KALRN: variants seen among roughly 807,000 people sequenced by gnomAD.
KALRN encodes the protein kalirin.
A neutral mutation model predicts 353.7 loss-of-function variants in KALRN; 70 were observed. The observed-to-expected ratio is 0.20, with a 90% confidence interval of 0.16 to 0.24. The LOEUF (loss-of-function observed/expected upper bound fraction) is 0.24, where lower values mean the gene tolerates loss of function less well. Among genes scored for constraint, KALRN ranks in the 10% least tolerant of loss-of-function variants. KALRN has a pLI of 1.00. For synonymous variants in KALRN, 1,391 were observed against 1,434.8 expected (o/e 0.97, Z 0.69); for missense variants, 2,791 against 3,756.7 (o/e 0.74, Z 6.72).
At chr3:124,094,916 G>T in intron 1 of KALRN, 1 of 1,612,196 alleles carries the variant, frequency 6.2e-7, no homozygotes, top group East Asian at 2.2e-5. Context: ...TATCCTGAGT[G>T]TGTGTATGCT....
At position 124,264,427 on chromosome 3, in the gene KALRN, T is replaced by C. The variant is rs189778373; in HGVS notation, c.264-71T>C. ...GTCAAGGGGAGTGCAGGTTTCCGGG[T>C]GCTTTTTGACTGTGTACTCCAAAGT... On this transcript the variant is annotated intron_variant, in intron 3 of 59. Transcript: ENST00000682506. 5.2e-6 allele frequency: 7 copies of C among 1,344,750 alleles called. No homozygotes were observed. The African/African-American group carries it at 7.3e-5, about 14-fold the overall frequency. The allele number at this position is 1,344,750 out of a possible 1,614,324, so 83.3% of individuals were successfully genotyped here.
At chr3:124,686,843 CTT>C (rs751907160) in intron 51 of KALRN, among the ~76,000 whole-genome samples, 7 of 84,962 alleles carry the variant, frequency 8.2e-5, no homozygotes, top group Non-Finnish European at 1.5e-4. Flanking sequence ...GAGACAGGGT[CTT>C]TCTCTGTCAT....
intron 37 of KALRN, among the ~76,000 whole-genome samples, chr3:124,647,351 C>T (rs2082888610): frequency 6.6e-6 from 1 of 152,164 alleles, no homozygotes; most frequent in South Asian, 2.1e-4. Context: ...TTACTTGCCA[C>T]CCTCCTTCCC....
At chr3:124,636,252 G>A (rs1308731977) in intron 36 of KALRN, among the ~76,000 whole-genome samples, 3 of 152,114 alleles carry the variant, frequency 2.0e-5, no homozygotes, top group Non-Finnish European at 4.4e-5. Flanking sequence ...GAACACCACT[G>A]CCCCCTGCTC....
chr3:124,675,062 C>T (rs1458387484), intron 49 of KALRN: 1 of 151,808 alleles, frequency 6.6e-6, no homozygotes, highest in African/African-American at 2.4e-5. Flanking sequence ...GCACAAATGC[C>T]AGACCTGTGA....
intron 53 of KALRN, among the ~76,000 whole-genome samples, 158 bp from the exon 54 acceptor site, chr3:124,695,976 G>T (rs1035462739): frequency 2.0e-5 from 3 of 152,182 alleles, no homozygotes; most frequent in Non-Finnish European, 2.9e-5. Context: ...AACTGGGGAT[G>T]TAGAGAAACA....
chr3:124,178,968 A>G (rs533687633), intron 1 of KALRN, among the ~76,000 whole-genome samples: 16 of 152,240 alleles, frequency 1.1e-4, no homozygotes, highest in African/African-American at 3.4e-4. Flanking sequence ...TTAGCTGGGT[A>G]TGGGGGCACA....
intron 13 of KALRN, 109 bp downstream of exon 13, chr3:124,398,980 A>G (rs924451663): frequency 1.7e-6 from 2 of 1,166,484 alleles, no homozygotes; most frequent in Admixed American, 2.9e-5. Context: ...AGCATCCAGC[A>G]TGCATTTTTA....
At chr3:124,588,012 A>T (rs540246144) in intron 34 of KALRN, among the ~76,000 whole-genome samples, 214 of 149,926 alleles carry the variant, frequency 1.4e-3, no homozygotes, top group Non-Finnish European at 2.1e-3. Flanking sequence ...TCTATTGAGT[A>T]TGAGTACAGA....
At chr3:124,546,439 G>A (rs1170323312) in intron 33 of KALRN, among the ~76,000 whole-genome samples, 1 of 152,096 alleles carries the variant, frequency 6.6e-6, no homozygotes, top group South Asian at 2.1e-4. Context: ...ACTCCAGCCT[G>A]GGTGATAGAG....
intron 57 of KALRN, among the ~76,000 whole-genome samples, chr3:124,708,008 T>C (rs893194912): frequency 3.3e-5 from 5 of 152,202 alleles, no homozygotes; most frequent in Admixed American, 2.6e-4. Flanking sequence ...CTAATCTTTG[T>C]GTGGTGCTCA....
intron 3 of KALRN, among the ~76,000 whole-genome samples, chr3:124,244,741 C>A (rs939721230): frequency 6.6e-6 from 1 of 152,128 alleles, no homozygotes; most frequent in Non-Finnish European, 1.5e-5. Context: ...TTGTAAGTAA[C>A]CCTCAGTAAA....
At chr3:124,294,797 C>G (rs553074365) in intron 5 of KALRN, among the ~76,000 whole-genome samples, 1 of 152,176 alleles carries the variant, frequency 6.6e-6, no homozygotes, top group Admixed American at 6.5e-5. Flanking sequence ...CCAGGAGAAT[C>G]AACAAAACTA....
intron 33 of KALRN, among the ~76,000 whole-genome samples, chr3:124,536,686 T>C (rs896650985): frequency 8.5e-5 from 13 of 152,270 alleles, no homozygotes; most frequent in Admixed American, 2.6e-4. Context: ...TTATTCCATA[T>C]ATCATAAAGA....
chr3:124,641,180 A>T (rs3755684), intron 37 of KALRN, among the ~76,000 whole-genome samples: 5,619 of 152,162 alleles, frequency 0.037, 535 homozygotes, highest in East Asian at 0.34. Context: ...AGGAACAAAA[A>T]CAGGGTTTAT....
At chr3:124,519,266 C>T (rs2066956162) in intron 33 of KALRN, 1 of 953,516 alleles carries the variant, frequency 1.0e-6, no homozygotes, top group Non-Finnish European at 1.2e-6. Context: ...GATGATGGTA[C>T]GTGGACATTC....
At chr3:124,453,436 C>T (rs565301478) in intron 21 of KALRN, among the ~76,000 whole-genome samples, 2 of 152,170 alleles carry the variant, frequency 1.3e-5, no homozygotes, top group South Asian at 2.1e-4. Flanking sequence ...TCCTCTCTGA[C>T]GCCCTCTTTC....
intron 34 of KALRN, among the ~76,000 whole-genome samples, chr3:124,568,586 A>G (rs2073140418): frequency 6.6e-6 from 1 of 152,236 alleles, no homozygotes; most frequent in South Asian, 2.1e-4. Context: ...ACAATAGTCA[A>G]AAGGTGAAAG....
intron 5 of KALRN, among the ~76,000 whole-genome samples, chr3:124,290,298 G>T (rs1219157279): frequency 6.6e-6 from 1 of 152,172 alleles, no homozygotes; most frequent in Non-Finnish European, 1.5e-5. Context: ...TTTCAGAAAG[G>T]ACTGCATCTG....
Sources: gnomAD v4.1 joint callset for allele counts (sites outside exome capture counted in the v4.1 genomes callset) on GRCh38, gnomAD v4.1.1 for gene constraint, MANE v1.5 for transcripts, NCBI Gene and HGNC (gene_info 2026-07-23, HGNC 2026-07-21) for gene names.